Variants in CNTNAP2 observed in about 807,000 individuals in gnomAD.
The protein encoded by CNTNAP2 is contactin-associated protein-like 2.
In CNTNAP2, 98 loss-of-function variants were observed where a neutral mutation model predicts 155.2. The ratio of observed to expected loss-of-function variants is 0.63; its 90% CI spans 0.54 to 0.75. The LOEUF (loss-of-function observed/expected upper bound fraction) is 0.75, where lower values mean the gene tolerates loss of function less well. Ranked by LOEUF, CNTNAP2 falls within the 30% of genes least tolerant of loss-of-function variation. The pLI is 0.00. For missense variants in CNTNAP2, 1,727 were observed against 1,688.1 expected (o/e 1.02, Z -0.40); for synonymous variants, 651 against 631.2 (o/e 1.03, Z -0.47).
At chr7:147,314,645 T>TA (rs60543561) in intron 9 of CNTNAP2, among the ~76,000 whole-genome samples, 1,659 of 148,460 alleles carry the variant, frequency 0.011, 55 homozygotes, top group African/African-American at 0.038. Context: ...AAGTCAGCAA[T>TA]AAAAAAAAAA....
intron 1 of CNTNAP2, among the ~76,000 whole-genome samples, chr7:146,622,279 C>A (rs770060593): frequency 0.013 from 1,302 of 100,572 alleles, 13 homozygotes; most frequent in African/African-American, 0.054. Context: ...ATCTATCTAT[C>A]TATATATATA....
rs141782221 is a variant in CNTNAP2 at position 147,544,774 on chromosome 7, C to T, written c.1778-17364C>T. ...GGGGGCAGTTCCCCCATACTGTTCT[C>T]GTGGTAGTGAATAAGTCTCACGAGA... On this transcript the variant is annotated intron_variant, in intron 11 of 23. Transcript: ENST00000361727. Among the ~76,000 whole-genome samples the T allele has an allele frequency of 4.3e-3, 660 of 152,126 alleles. 3 individuals carry two copies. Among genetic ancestry groups the T allele is most frequent in the African/African-American group, 0.013 (532 of 41,526 alleles).
At chr7:146,937,281 G>A (rs1796936489) in intron 3 of CNTNAP2, among the ~76,000 whole-genome samples, 1 of 151,396 alleles carries the variant, frequency 6.6e-6, no homozygotes, top group South Asian at 2.1e-4. Context: ...GTCCCGGGAG[G>A]TGGAGTTTGC....
chr7:146,432,307 A>T (rs554294757), intron 1 of CNTNAP2, among the ~76,000 whole-genome samples: 14 of 152,144 alleles, frequency 9.2e-5, no homozygotes, highest in Non-Finnish European at 1.8e-4. Context: ...ATGTATTATT[A>T]TCTTGAGTCA....
chr7:146,925,879 A>T (rs762855474), intron 3 of CNTNAP2, among the ~76,000 whole-genome samples: 1 of 152,086 alleles, frequency 6.6e-6, no homozygotes, highest in Non-Finnish European at 1.5e-5. Context: ...TGACAATTCA[A>T]TTCTCAAGGT....
At chr7:148,067,063 A>G (rs1803279858) in intron 15 of CNTNAP2, among the ~76,000 whole-genome samples, 1 of 152,054 alleles carries the variant, frequency 6.6e-6, no homozygotes. Flanking sequence ...TGCCTCCTTG[A>G]GTATCTTAAT....
chr7:147,375,964 C>A (rs994563968), intron 9 of CNTNAP2, among the ~76,000 whole-genome samples: 2 of 152,010 alleles, frequency 1.3e-5, no homozygotes, highest in Admixed American at 6.6e-5. Context: ...AGGCTTCTAT[C>A]ATCTCCCCTA....
chr7:146,548,198 A>G (rs940696082), intron 1 of CNTNAP2, among the ~76,000 whole-genome samples: 1 of 151,820 alleles, frequency 6.6e-6, no homozygotes, highest in Non-Finnish European at 1.5e-5. Context: ...ACTCCCATTC[A>G]TAAGTGAGAA....
chr7:147,338,411 G>A (rs1256842889), intron 9 of CNTNAP2, among the ~76,000 whole-genome samples: 1 of 152,070 alleles, frequency 6.6e-6, no homozygotes, highest in African/African-American at 2.4e-5. Flanking sequence ...CCTTTGAAGA[G>A]CAAGGGCAGT....
intron 1 of CNTNAP2, among the ~76,000 whole-genome samples, chr7:146,156,807 G>T (rs2116788865): frequency 6.6e-6 from 1 of 152,190 alleles, no homozygotes; most frequent in East Asian, 1.9e-4. Flanking sequence ...CACCATGTTG[G>T]CCAGGCTGGT....
At chr7:147,041,072 C>T (rs1055144034) in intron 3 of CNTNAP2, among the ~76,000 whole-genome samples, 2 of 152,178 alleles carry the variant, frequency 1.3e-5, no homozygotes, top group African/African-American at 2.4e-5. Flanking sequence ...AGTATGATTT[C>T]CCATTACCCT....
chr7:146,124,307 C>T (rs577164033), intron 1 of CNTNAP2, among the ~76,000 whole-genome samples: 3 of 152,074 alleles, frequency 2.0e-5, no homozygotes, highest in African/African-American at 7.2e-5. Flanking sequence ...TTATTTTGAA[C>T]TAACAGAAAA....
intron 3 of CNTNAP2, among the ~76,000 whole-genome samples, chr7:147,005,722 T>C (rs1798512734): frequency 6.6e-6 from 1 of 152,096 alleles, no homozygotes; most frequent in African/African-American, 2.4e-5. Flanking sequence ...GATTTAGTTA[T>C]CCTTTTCTTC....
At chr7:147,472,725 G>A (rs894330927) in intron 10 of CNTNAP2, among the ~76,000 whole-genome samples, 4 of 152,126 alleles carry the variant, frequency 2.6e-5, no homozygotes, top group African/African-American at 9.7e-5. Context: ...ACAAAGCTTT[G>A]TTAATGATTG....
At chr7:147,058,148 A>G (rs560744764) in intron 4 of CNTNAP2, among the ~76,000 whole-genome samples, 48 of 152,280 alleles carry the variant, frequency 3.2e-4, no homozygotes, top group African/African-American at 1.2e-3. Flanking sequence ...ACCAGGATCA[A>G]TTTGAATCTG....
chr7:147,350,072 C>T (rs1475859565), intron 9 of CNTNAP2, among the ~76,000 whole-genome samples: 2 of 151,974 alleles, frequency 1.3e-5, no homozygotes, highest in Non-Finnish European at 1.5e-5. Context: ...GAATGATATT[C>T]ACTTGCAAGT....
intron 4 of CNTNAP2, chr7:147,083,215 G>C (rs1399647065): frequency 6.6e-6 from 1 of 152,040 alleles, no homozygotes; most frequent in Non-Finnish European, 1.5e-5. Flanking sequence ...GTAAAATCAA[G>C]GCTTGTCTGA....
intron 16 of CNTNAP2, among the ~76,000 whole-genome samples, chr7:148,130,907 G>A (rs114835817): frequency 1.7e-3 from 256 of 152,182 alleles, no homozygotes; most frequent in African/African-American, 6.0e-3. Context: ...TTCATTAGGT[G>A]CATTGCCTGG....
At position 148,299,612 on chromosome 7, in the gene CNTNAP2, T is replaced by G. The variant is rs534792183; in HGVS notation, c.3475+32486T>G. Among the ~76,000 whole-genome samples the G allele has an allele frequency of 5.9e-5, 9 of 152,358 alleles. No homozygotes were observed. In the South Asian group the frequency reaches 1.9e-3, roughly 32 times the overall value. On this transcript the variant is annotated intron_variant, in intron 21 of 23. Transcript: ENST00000361727. ...GCTGTGTGACCCTCCACACTTTGCTTCCCTCGGGCCTCAGCTCCGCCTCAT... is the reference window on the plus strand; with the variant it reads ...GCTGTGTGACCCTCCACACTTTGCTGCCCTCGGGCCTCAGCTCCGCCTCAT...
Sources: allele counts gnomAD v4.1 joint callset (sites outside exome capture counted in the v4.1 genomes callset), GRCh38; gene constraint gnomAD v4.1.1; transcripts MANE v1.5; gene names NCBI Gene and HGNC (gene_info 2026-07-23, HGNC 2026-07-21).